Variants in TMC7 observed in about 807,000 individuals in gnomAD.
TMC7 encodes transmembrane channel like 7.
Under a neutral mutation model 82.9 loss-of-function variants are expected in TMC7, and 54 were observed. The observed-to-expected ratio is 0.65, with a 90% CI of 0.52 to 0.82. The LOEUF (loss-of-function observed/expected upper bound fraction) is 0.82. Among genes scored for constraint, TMC7 ranks in the 40% least tolerant of loss-of-function variants. The pLI is 0.00. For synonymous variants in TMC7, 350 were observed against 337.9 expected (o/e 1.04, Z -0.39); for missense variants, 820 against 901.2 (o/e 0.91, Z 1.15).
At chr16:19,025,624 CAA>C (rs1338115544) in intron 5 of TMC7, among the ~76,000 whole-genome samples, 1 of 151,526 alleles carries the variant, frequency 6.6e-6, no homozygotes, top group African/African-American at 2.4e-5. Context: ...TGTCTCAAAA[CAA>C]AACAAAACAA....
At chr16:19,057,231 A>G (rs1233756265) in intron 14 of TMC7, among the ~76,000 whole-genome samples, 1 of 152,210 alleles carries the variant, frequency 6.6e-6, no homozygotes, top group African/African-American at 2.4e-5. Context: ...CACTTAGCCC[A>G]ATGCCTGGCT....
chr16:19,052,910 G>A (rs375217919), intron 13 of TMC7, among the ~76,000 whole-genome samples: 4 of 151,990 alleles, frequency 2.6e-5, no homozygotes, highest in African/African-American at 9.7e-5. Flanking sequence ...ACAGGGTATC[G>A]CCATGTTGGC....
chr16:18,984,596 T>A, intron 1 of TMC7: 7 of 895,302 alleles, frequency 7.8e-6, no homozygotes, highest in Non-Finnish European at 8.0e-6. Context: ...GTGGCTTGCC[T>A]TCTCTGAGCC....
intron 2 of TMC7, among the ~76,000 whole-genome samples, chr16:19,013,147 T>C (rs1210371846): frequency 2.0e-5 from 3 of 151,744 alleles, no homozygotes; most frequent in Non-Finnish European, 2.9e-5. Context: ...TAATAGTTGT[T>C]ATTCTAAGCT....
intron 6 of TMC7, among the ~76,000 whole-genome samples, chr16:19,034,547 G>A (rs780369275): frequency 1.3e-5 from 2 of 151,898 alleles, no homozygotes; most frequent in African/African-American, 2.4e-5. Context: ...GCAGTGAGCC[G>A]AGACTGCACC....
chr16:19,028,612 A>G lies in TMC7; in HGVS notation c.712-1612A>G, dbSNP rs180682737. Among the ~76,000 whole-genome samples the G allele has an allele frequency of 1.1e-3, 168 of 152,160 alleles. 1 individual carries two copies. The highest frequency in any genetic ancestry group is 3.3e-3 in the Admixed American group (50 of 15,242). On this transcript the variant is annotated intron_variant, in intron 5 of 15. Coordinates refer to ENST00000304381, the MANE Select transcript of TMC7 (RefSeq NM_024847.4). The stretch of plus-strand genomic sequence containing the variant: ...TGGCCATAGATCTTCTGATCCATAA[A>G]CATGGGATGTTGTCCGTTTCTTTAG...
chr16:18,991,230 A>G (rs1230765506), intron 1 of TMC7, among the ~76,000 whole-genome samples: 1 of 152,158 alleles, frequency 6.6e-6, no homozygotes, highest in Admixed American at 6.6e-5. Flanking sequence ...GATGGCCTGG[A>G]TATGGTTTTG....
chr16:19,052,254 C>T (rs1364058325), intron 13 of TMC7, among the ~76,000 whole-genome samples: 1 of 152,150 alleles, frequency 6.6e-6, no homozygotes, highest in African/African-American at 2.4e-5. Flanking sequence ...TGGTGTTCTA[C>T]CCACAGAGGC....
Position 18,983,944 on chromosome 16 carries a change from C to T in TMC7, c.-120C>T, listed in dbSNP as rs1307232540. The T allele has an allele frequency of 4.4e-6, 5 of 1,126,948 alleles. No individual in the cohort carries two copies. The highest frequency in any genetic ancestry group is 5.8e-6 in the Non-Finnish European group (5 of 862,960). 69.8% of individuals were successfully genotyped at this position (1,126,948 alleles called of 1,614,324 possible). On this transcript the variant is annotated 5_prime_UTR_variant, in exon 1 of 16. Transcript: ENST00000304381. ...TCGCGGGGGCGCCCCACTCCGGCTT[C>T]TGTGATGTCAGCGCCGGAACCTGGA...
chr16:19,041,744 G>T (rs1382466698), intron 9 of TMC7, among the ~76,000 whole-genome samples: 2 of 152,156 alleles, frequency 1.3e-5, no homozygotes, highest in African/African-American at 4.8e-5. Flanking sequence ...AATTGAGGCG[G>T]TCTCCCCAGT....
At chr16:19,045,109 C>A in intron 10 of TMC7, 108 bp downstream of exon 10, 1 of 966,740 alleles carries the variant, frequency 1.0e-6, no homozygotes, top group Non-Finnish European at 1.6e-6. Flanking sequence ...ATTTGCTTCG[C>A]TTTCTTGTTC....
At chr16:19,018,346 CAG>C (rs925513208) in intron 3 of TMC7, among the ~76,000 whole-genome samples, 1 of 152,164 alleles carries the variant, frequency 6.6e-6, no homozygotes, top group Non-Finnish European at 1.5e-5. Flanking sequence ...GCTTAAAAAA[CAG>C]AAACTTTTTT....
intron 8 of TMC7, among the ~76,000 whole-genome samples, chr16:19,040,020 G>A (rs545396979): frequency 1.3e-5 from 2 of 149,046 alleles, no homozygotes; most frequent in East Asian, 4.0e-4. Context: ...GGAGGCTGAG[G>A]CAGGAGAATC....
chr16:19,043,632 G>A (rs969013382), intron 9 of TMC7, among the ~76,000 whole-genome samples: 1 of 152,082 alleles, frequency 6.6e-6, no homozygotes, highest in Non-Finnish European at 1.5e-5. Context: ...GTGCAATGGC[G>A]TGATCTTATC....
chr16:18,998,290 G>T (rs2039079221), intron 1 of TMC7, among the ~76,000 whole-genome samples: 1 of 152,198 alleles, frequency 6.6e-6, no homozygotes, highest in South Asian at 2.1e-4. Flanking sequence ...GCATGGAATG[G>T]TCAAGAAACT....
chr16:19,027,087 T>TTTC (rs71143821), intron 5 of TMC7, among the ~76,000 whole-genome samples: 2 of 139,564 alleles, frequency 1.4e-5, no homozygotes, highest in Non-Finnish European at 3.1e-5. Context: ...TTTTTTTTTT[T>TTTC]AAAGACAGAG....
At position 19,045,285 on chromosome 16, in the gene TMC7, G is replaced by A. The variant is rs966522533; in HGVS notation, c.1456-56G>A. The A allele has an allele frequency of 1.5e-5, 21 of 1,431,574 alleles. No homozygotes were observed. In the African/African-American group the frequency reaches 2.4e-4, roughly 16 times the overall value. 88.7% of individuals were successfully genotyped at this position (1,431,574 alleles called of 1,614,324 possible). ...GAATTAGAAGGTGTCTTGGGAGCCT[G>A]GTTTTCTCTGCCTCAGCTAGGGTCT... is the stretch of plus-strand genomic sequence containing the variant. On this transcript the variant is annotated intron_variant, in intron 10 of 15. Coordinates refer to ENST00000304381, the MANE Select transcript of TMC7 (RefSeq NM_024847.4).
Position 19,060,407 on chromosome 16 carries a change from G to A in TMC7, c.2106+913G>A, listed in dbSNP as rs548176790. On this transcript the variant is annotated intron_variant, in intron 15 of 15. Transcript: ENST00000304381. ...TTTTATAGACATGAGGTCTCCCTAT[G>A]TTGCCCAGGCTGGTCTTGAACTCCT... Among the ~76,000 whole-genome samples the A allele has an allele frequency of 3.3e-5, 5 of 152,076 alleles. No individual in the cohort carries two copies. In the South Asian group the frequency reaches 1.0e-3, roughly 32 times the overall value.
chr16:18,992,604 A>C, intron 1 of TMC7, among the ~76,000 whole-genome samples: 1 of 152,206 alleles, frequency 6.6e-6, no homozygotes, highest in African/African-American at 2.4e-5. Context: ...TAGTTTAATT[A>C]GATCCCTTTT....
Sources: allele counts gnomAD v4.1 joint callset (sites outside exome capture counted in the v4.1 genomes callset), GRCh38; gene constraint gnomAD v4.1.1; transcripts MANE v1.5; gene names NCBI Gene and HGNC (gene_info 2026-07-23, HGNC 2026-07-21).